Variants in HELQ observed in about 807,000 individuals in gnomAD.
HELQ encodes helicase POLQ-like.
HELQ carries 77 observed loss-of-function variants against 111.6 expected under a neutral mutation model. The observed-to-expected ratio is 0.69, with a 90% CI of 0.57 to 0.83. The LOEUF (loss-of-function observed/expected upper bound fraction) is 0.83. Among genes scored for constraint, HELQ ranks in the 40% least tolerant of loss-of-function variants. The pLI is 0.00. For synonymous variants in HELQ, 438 were observed against 454.7 expected, an observed-to-expected ratio of 0.96 and a Z score of 0.47; for missense variants, 1,200 against 1,288.5, an observed-to-expected ratio of 0.93 and a Z score of 1.05.
intron 17 of HELQ, among the ~76,000 whole-genome samples, chr4:83,408,465 A>C (rs1738909439): frequency 6.6e-6 from 1 of 151,368 alleles, no homozygotes; most frequent in Non-Finnish European, 1.5e-5. Context: ...GTTGGCCAGG[A>C]TGGTCTCCAC....
rs1311444494 is a variant in HELQ, at chr4:83,448,855, C to T, written c.1119G>A (p.Met373Ile). The change falls in exon 3 of 18, where the codon ATG becomes ATA. Residue 373 changes from methionine (M) to isoleucine (I), a missense_variant. Around this residue, in one of 3 missense-constraint regions of HELQ, gnomAD observed 610 missense variants for 607.1 expected, o/e 1.00. Transcript: ENST00000295488. ...TCCGACAGCAAAGCAGTTCTTGCAG[C>T]ATTAAAATCTCAGCCACGAGGGTTT... ...GGKTLVAEILMLQELLCCRKD... is the reference protein window; with the variant it reads ...GGKTLVAEILILQELLCCRKD... 2 of 1,613,876 alleles carry T rather than the reference C, an allele frequency of 1.2e-6. No homozygotes were observed. Among genetic ancestry groups the T allele is most frequent in the East Asian group, 4.5e-5 (2 of 44,874 alleles).
chr4:83,452,442 G>A (rs142627463), intron 2 of HELQ, among the ~76,000 whole-genome samples: 1 of 152,320 alleles, frequency 6.6e-6, no homozygotes, highest in Non-Finnish European at 1.5e-5. Flanking sequence ...TCTGGGTGGT[G>A]GCAGGGATGC....
intron 8 of HELQ, among the ~76,000 whole-genome samples, chr4:83,437,607 A>AAG (rs1324520626): frequency 6.7e-5 from 10 of 148,614 alleles, no homozygotes; most frequent in Admixed American, 5.3e-4. Flanking sequence ...CTTGTCTAAA[A>AAG]AAAAAAAAAA....
Position 83,437,175 on chromosome 4 carries a change from T to C in HELQ, c.1809-78A>G, listed in dbSNP as rs770815153. The C allele has an allele frequency of 2.0e-5, 27 of 1,333,476 alleles. No homozygotes were observed. The Middle Eastern group carries it at 7.0e-4, about 35-fold the overall frequency. 82.6% of individuals were successfully genotyped at this position (1,333,476 alleles called of 1,614,324 possible). Reference sequence around the variant, plus strand: ...TTTCTACCATTTTCATTTTAGTAGATGCTAATGTAAACATTCTTTAATGTA... The same window carrying C: ...TTTCTACCATTTTCATTTTAGTAGACGCTAATGTAAACATTCTTTAATGTA... On this transcript the variant is annotated intron_variant, in intron 8 of 17. Transcript: ENST00000295488.
intron 2 of HELQ, among the ~76,000 whole-genome samples, chr4:83,451,885 T>C (rs1721396502): frequency 6.6e-6 from 1 of 152,200 alleles, no homozygotes; most frequent in Non-Finnish European, 1.5e-5. Flanking sequence ...AGTCTTTTAT[T>C]AGACTTTGTT....
intron 9 of HELQ, 106 bp from the exon 10 acceptor site, chr4:83,432,373 C>T: frequency 1.4e-6 from 1 of 721,444 alleles, no homozygotes; most frequent in Non-Finnish European, 2.0e-6. Context: ...CATACTAACA[C>T]AAAATAATAG....
intron 17 of HELQ, among the ~76,000 whole-genome samples, chr4:83,413,389 C>T (rs1250927615): frequency 6.6e-6 from 1 of 152,102 alleles, no homozygotes; most frequent in Non-Finnish European, 1.5e-5. Context: ...AATCTTCTGT[C>T]TGTGTTGTGT....
intron 17 of HELQ, among the ~76,000 whole-genome samples, chr4:83,414,114 C>T (rs1393644005): frequency 1.3e-5 from 2 of 152,178 alleles, no homozygotes; most frequent in African/African-American, 4.8e-5. Flanking sequence ...GAGCTCATGG[C>T]CTTCAGTAAT....
chr4:83,415,806 C>T (rs1205399570), intron 17 of HELQ, among the ~76,000 whole-genome samples: 9 of 151,912 alleles, frequency 5.9e-5, no homozygotes, highest in African/African-American at 2.2e-4. Flanking sequence ...GCCACCACGC[C>T]TGGCTAATTT....
At chr4:83,414,102 A>G (rs1188384639) in intron 17 of HELQ, among the ~76,000 whole-genome samples, 4 of 152,224 alleles carry the variant, frequency 2.6e-5, no homozygotes, top group African/African-American at 9.6e-5. Flanking sequence ...GGTTATCAGT[A>G]TGAGCTCATG....
intron 3 of HELQ, among the ~76,000 whole-genome samples, chr4:83,448,512 A>C (rs1721171394): frequency 6.6e-6 from 1 of 151,966 alleles, no homozygotes; most frequent in South Asian, 2.1e-4. Context: ...TCTACTAAAA[A>C]CACAAAAATT....
rs1739688077 is a variant in HELQ, at chr4:83,421,621, A to G, written c.2891T>C (p.Ile964Thr). The change falls in exon 15 of 18, where the codon ATA (isoleucine) becomes ACA (threonine). Residue 964 changes from isoleucine to threonine, a missense_variant. By Grantham distance (89) the Ile-to-Thr change is moderately conservative (BLOSUM62 -1). Transcript: ENST00000295488. ...GGCAGTTCCAGTGAGAAGATTTTGT[A>G]TATATCCTCGAGGCATATTAAATTT... is the stretch of plus-strand genomic sequence containing the variant. ...SEKFNMPRGYIQNLLTGTASF... is the reference protein window; with the variant it reads ...SEKFNMPRGYTQNLLTGTASF... The G allele has an allele frequency of 1.9e-6, 3 of 1,613,616 alleles. No individual in the cohort carries two copies. The highest frequency in any genetic ancestry group is 4.5e-5 in the East Asian group (2 of 44,768).
intron 6 of HELQ, among the ~76,000 whole-genome samples, chr4:83,443,199 G>A (rs1042913754): frequency 6.6e-6 from 1 of 151,602 alleles, no homozygotes. Flanking sequence ...CTAAAATTTT[G>A]CCAAATAAAA....
Position 83,448,950 on chromosome 4 carries a change from T to C in HELQ, c.1024A>G (p.Thr342Ala), listed in dbSNP as rs756928812. Residue 342 changes from threonine (T) to alanine (A), a missense_variant, in exon 3 of 18, where the codon ACT (threonine) becomes GCT (alanine). Physicochemically the swap from Thr to Ala is moderately conservative, Grantham distance 58 (BLOSUM62 0). Transcript: ENST00000295488. ...TGCACAGAATTCAATGTTAAACAAG[T>C]ATGTTGCCATTCTGTGGAATTAAAA... is the stretch of plus-strand genomic sequence containing the variant. The part of the protein sequence containing the change: ...GIEKLYEWQH[T>A]CLTLNSVQER... The C allele has an allele frequency of 1.9e-6, 3 of 1,583,956 alleles. No individual in the cohort carries two copies. The highest frequency in any genetic ancestry group is 2.6e-6 in the Non-Finnish European group (3 of 1,163,344).
intron 5 of HELQ, among the ~76,000 whole-genome samples, chr4:83,444,811 T>C (rs930201455): frequency 2.0e-5 from 3 of 152,024 alleles, no homozygotes; most frequent in African/African-American, 7.3e-5. Flanking sequence ...GCTAAGAAAT[T>C]AGGGATTTAT....
At position 83,455,514 on chromosome 4, in the gene HELQ, C is replaced by G; in HGVS notation, c.180G>C (p.Pro60=). 6.2e-7 allele frequency: 1 copy of G among 1,614,164 alleles called. No homozygotes were observed. Among genetic ancestry groups the G allele is most frequent in the Non-Finnish European group, 8.5e-7 (1 of 1,180,034 alleles). Reference sequence around the variant, plus strand: ...AGAGTAGAAGGGGCTGTACCTCAACCGGCAGTACGCCCGCGGTTTTCCGCC... The same window carrying G: ...AGAGTAGAAGGGGCTGTACCTCAACGGGCAGTACGCCCGCGGTTTTCCGCC... ...NRRRKTAGVL[P]VEVQPLLLSD... is the part of the protein sequence containing the mutation. The change falls in exon 1 of 18, where the codon CCG becomes CCC. Residue 60 remains proline (P), a synonymous_variant. Transcript: ENST00000295488.
intron 12 of HELQ, among the ~76,000 whole-genome samples, chr4:83,428,854 C>T (rs1226270930): frequency 6.6e-6 from 1 of 151,668 alleles, no homozygotes; most frequent in Non-Finnish European, 1.5e-5. Context: ...TGTTTAAAGA[C>T]AAAAACTTAA....
chr4:83,421,884 T>A, intron 14 of HELQ, 148 bp from the exon 15 acceptor site: 1 of 636,540 alleles, frequency 1.6e-6, no homozygotes, highest in Non-Finnish European at 2.7e-6. Context: ...CTAACAGATG[T>A]ACTTCAGATT....
intron 2 of HELQ, among the ~76,000 whole-genome samples, chr4:83,450,377 G>T (rs71613172): frequency 2.8e-5 from 4 of 140,862 alleles, no homozygotes; most frequent in African/African-American, 1.1e-4. Context: ...AAAAAAAAAA[G>T]AAAGTTATAT....
Sources: gnomAD v4.1 joint callset for allele counts (sites outside exome capture counted in the v4.1 genomes callset) on GRCh38, gnomAD v4.1.1 for gene constraint, gnomAD v4.1.1 regional missense constraint, MANE v1.5 for transcripts, NCBI Gene and HGNC (gene_info 2026-07-23, HGNC 2026-07-21) for gene names.